CUL4A: variants seen among roughly 807,000 people sequenced by gnomAD.
CUL4A encodes the protein cullin-4A.
A neutral mutation model predicts 95.5 loss-of-function variants in CUL4A; 16 were observed. That is an observed-to-expected ratio of 0.17 (90% CI 0.11 to 0.25). The LOEUF (loss-of-function observed/expected upper bound fraction) is 0.25. Among genes scored for constraint, CUL4A ranks in the 10% least tolerant of loss-of-function variants. CUL4A has a pLI of 1.00. For missense variants in CUL4A, 610 were observed against 937.0 expected (o/e 0.65, Z 4.56); for synonymous variants, 380 against 353.1 (o/e 1.08, Z -0.85).
intron 2 of CUL4A, among the ~76,000 whole-genome samples, chr13:113,210,681 A>C (rs758742188): frequency 3.9e-5 from 6 of 152,178 alleles, no homozygotes; most frequent in Non-Finnish European, 7.3e-5. Context: ...TTTATAAGCG[A>C]CTTTTTTTCT....
intron 15 of CUL4A, among the ~76,000 whole-genome samples, chr13:113,248,890 A>G (rs2041922711): frequency 6.6e-6 from 1 of 152,198 alleles, no homozygotes; most frequent in Non-Finnish European, 1.5e-5. Context: ...TTCAGTACAG[A>G]CAACCATCCT....
chr13:113,244,498 G>A lies in CUL4A; in HGVS notation c.1317G>A (p.Leu439=), dbSNP rs778534089. The A allele has an allele frequency of 3.1e-6, 5 of 1,612,592 alleles. No homozygotes were observed. Among genetic ancestry groups the A allele is most frequent in the Non-Finnish European group, 4.2e-6 (5 of 1,179,302 alleles). ...GGACGTTGGACAAGATCATGATCCT[G>A]TTCAGGTTTATCCACGGTGAGACTC... The part of the protein sequence containing the change: ...LERTLDKIMI[L]FRFIHGKDVF... The change falls in exon 12 of 20, where the codon CTG becomes CTA. Residue 439 remains leucine, a synonymous_variant. Coordinates refer to ENST00000375440, the MANE Select transcript of CUL4A (RefSeq NM_001008895.4).
At chr13:113,260,816 C>A in intron 19 of CUL4A, 57 bp downstream of exon 19, 2 of 1,287,970 alleles carry the variant, frequency 1.6e-6, no homozygotes, top group Non-Finnish European at 2.2e-6. Flanking sequence ...ATTGACAAAG[C>A]ATGTTTAATT....
At chr13:113,244,134 A>T (rs1215912621) in intron 11 of CUL4A, 2 of 311,082 alleles carry the variant, frequency 6.4e-6, no homozygotes, top group Admixed American at 4.8e-5. Flanking sequence ...TATTTGCTGA[A>T]GTCATTTTAT....
chr13:113,250,321 G>A (rs2041962405), intron 15 of CUL4A, among the ~76,000 whole-genome samples: 1 of 152,136 alleles, frequency 6.6e-6, no homozygotes. Context: ...ATGTCGTGGT[G>A]TCTGCCTACA....
At chr13:113,229,796 G>T (rs1012343681) in intron 5 of CUL4A, 1 of 480,908 alleles carries the variant, frequency 2.1e-6, no homozygotes. Context: ...TCTCTCTGAC[G>T]ACTGGAGGTT....
At chr13:113,234,221 G>A (rs2041460478) in intron 7 of CUL4A, among the ~76,000 whole-genome samples, 1 of 152,130 alleles carries the variant, frequency 6.6e-6, no homozygotes, top group Non-Finnish European at 1.5e-5. Flanking sequence ...AAAGCTGTAA[G>A]ATCATTTCTG....
At chr13:113,210,586 A>G (rs1364982009) in intron 2 of CUL4A, among the ~76,000 whole-genome samples, 1 of 152,240 alleles carries the variant, frequency 6.6e-6, no homozygotes, top group East Asian at 1.9e-4. Context: ...GTATTCAAAC[A>G]GATTTGGTAG....
chr13:113,246,151 G>A (rs1016938802), intron 15 of CUL4A, 88 bp downstream of exon 15: 1 of 987,774 alleles, frequency 1.0e-6, no homozygotes, highest in African/African-American at 1.6e-5. Flanking sequence ...GTTGAATGGG[G>A]AGTTTTTAAA....
At chr13:113,255,161 T>A in intron 18 of CUL4A, 36 bp downstream of exon 18, 4 of 1,495,674 alleles carry the variant, frequency 2.7e-6, no homozygotes, top group South Asian at 2.5e-5. Flanking sequence ...TTATAGGGGG[T>A]TTAGCAGGGA....
intron 15 of CUL4A, among the ~76,000 whole-genome samples, chr13:113,246,949 A>G (rs950424832): frequency 6.6e-6 from 1 of 152,186 alleles, no homozygotes; most frequent in Non-Finnish European, 1.5e-5. Context: ...GGGCTGGGTA[A>G]TTTGTAAAGA....
At chr13:113,227,556 GTTACTGAA>G (rs1401190986) in intron 3 of CUL4A, among the ~76,000 whole-genome samples, 2 of 152,204 alleles carry the variant, frequency 1.3e-5, no homozygotes, top group Non-Finnish European at 2.9e-5. Flanking sequence ...CAGTATTCCA[GTTACTGAA>G]TGGTGTGTAG....
intron 19 of CUL4A, 75 bp from the exon 20 acceptor site, chr13:113,263,412 C>A: frequency 1.4e-6 from 1 of 690,108 alleles, no homozygotes. Flanking sequence ...ATACTTCATG[C>A]ATATACCCCT....
chr13:113,218,502 C>T (rs2040776773), intron 2 of CUL4A, among the ~76,000 whole-genome samples: 1 of 152,092 alleles, frequency 6.6e-6, no homozygotes, highest in South Asian at 2.1e-4. Flanking sequence ...GTTCTCTAGC[C>T]CTGATTTCAC....
intron 10 of CUL4A, among the ~76,000 whole-genome samples, chr13:113,241,576 G>A (rs941682800): frequency 4.0e-5 from 6 of 149,110 alleles, no homozygotes; most frequent in Admixed American, 1.4e-4. Context: ...GTGTAGTGGC[G>A]TGATCTCAGC....
Position 113,260,575 on chromosome 13 carries a change from T to C in CUL4A, c.2032-32T>C, listed in dbSNP as rs190329192. On this transcript the variant is annotated intron_variant, in intron 18 of 19. Coordinates refer to ENST00000375440, the MANE Select transcript of CUL4A (RefSeq NM_001008895.4). ...AAAAAATAAAAAGAAAATACAGTTT[T>C]ACACTTAACTTTTTTTTTCTTTTTT... 3,108 of 1,575,564 alleles carry C rather than the reference T, an allele frequency of 2.0e-3. 3 individuals are homozygous for C. The highest frequency in any genetic ancestry group is 2.4e-3 in the Non-Finnish European group (2,784 of 1,165,222).
intron 9 of CUL4A, among the ~76,000 whole-genome samples, chr13:113,237,170 G>A (rs375504661): frequency 1.3e-5 from 2 of 152,228 alleles, no homozygotes; most frequent in Admixed American, 6.5e-5. Flanking sequence ...CTGAAACATG[G>A]GTGCAGTGAG....
intron 15 of CUL4A, among the ~76,000 whole-genome samples, chr13:113,248,596 A>G (rs1050670739): frequency 6.6e-6 from 1 of 152,174 alleles, no homozygotes; most frequent in Non-Finnish European, 1.5e-5. Flanking sequence ...GTTCAGTAAC[A>G]TCCAGTGCAG....
At chr13:113,209,015 G>A (rs551147609), upstream of CUL4A, 25 of 762,158 alleles carry the variant, frequency 3.3e-5, no homozygotes, top group East Asian at 2.3e-3. Context: ...GGCTGGGCCA[G>A]GGCCTCGGGG....
Sources: gnomAD v4.1 joint callset for allele counts (sites outside exome capture counted in the v4.1 genomes callset) on GRCh38, gnomAD v4.1.1 for gene constraint, MANE v1.5 for transcripts, NCBI Gene and HGNC (gene_info 2026-07-23, HGNC 2026-07-21) for gene names.